Variants in AFF4 observed in about 807,000 individuals in gnomAD.
AFF4 encodes the protein ALF transcription elongation factor 4.
In AFF4, 13 loss-of-function variants were observed where a neutral mutation model predicts 124.8. The observed-to-expected ratio is 0.10, with a 90% CI of 0.07 to 0.17. AFF4 has a LOEUF of 0.17. Among genes scored for constraint, AFF4 ranks in the 10% least tolerant of loss-of-function variants. The pLI is 1.00. For missense variants in AFF4, 1,092 were observed against 1,403.8 expected (o/e 0.78, Z 3.55); for synonymous variants, 477 against 496.1 (o/e 0.96, Z 0.51).
intron 6 of AFF4, 76 bp downstream of exon 6, chr5:132,904,292 T>C (rs1243068492): frequency 3.2e-6 from 4 of 1,268,002 alleles, no homozygotes; most frequent in Non-Finnish European, 4.5e-6. Flanking sequence ...ACTAAAGTTA[T>C]ATATGGTGTG....
At position 132,939,886 on chromosome 5, in the gene AFF4, T is replaced by A. The variant is rs571027448; in HGVS notation, c.-4-2693A>T. Among the ~76,000 whole-genome samples the A allele has an allele frequency of 4.6e-5, 7 of 152,206 alleles. No individual in the cohort carries two copies. The South Asian group carries it at 6.3e-4, about 14-fold the overall frequency. On this transcript the variant is annotated intron_variant, in intron 1 of 20. Coordinates refer to ENST00000265343, the MANE Select transcript of AFF4 (RefSeq NM_014423.4). ...GCCTTGGCCTCTCAAAGTGCTGGGA[T>A]TACAGGCATGAGCCTGAACTTTGGC... is the stretch of plus-strand genomic sequence containing the variant.
intron 5 of AFF4, among the ~76,000 whole-genome samples, chr5:132,920,045 C>CTTTTTCTT: frequency 6.6e-6 from 1 of 151,384 alleles, no homozygotes; most frequent in South Asian, 2.1e-4. Context: ...AAAGATTTTT[C>CTTTTTCTT]TTTTTCTTTT....
intron 1 of AFF4, among the ~76,000 whole-genome samples, chr5:132,961,733 C>T (rs528445522): frequency 2.6e-5 from 4 of 152,214 alleles, no homozygotes; most frequent in African/African-American, 9.6e-5. Flanking sequence ...TTTTCAGACA[C>T]CCCATCTTGT....
chr5:132,930,026 A>C (rs1761263661), intron 4 of AFF4, among the ~76,000 whole-genome samples: 1 of 152,214 alleles, frequency 6.6e-6, no homozygotes, highest in Non-Finnish European at 1.5e-5. Context: ...GAAATTAGAG[A>C]TATTTAGGAT....
chr5:132,951,947 ATC>A (rs1478509710), intron 1 of AFF4, among the ~76,000 whole-genome samples: 1 of 152,228 alleles, frequency 6.6e-6, no homozygotes, highest in East Asian at 1.9e-4. Flanking sequence ...AGTTTTTTGA[ATC>A]CTCAGCATTA....
At chr5:132,901,048 G>T (rs1760538540) in intron 7 of AFF4, 1 of 985,206 alleles carries the variant, frequency 1.0e-6, no homozygotes, top group Non-Finnish European at 1.2e-6. Context: ...TGATTTTTAA[G>T]ACTGGCCCAA....
At chr5:132,941,858 A>G (rs1282039303) in intron 1 of AFF4, among the ~76,000 whole-genome samples, 10 of 151,946 alleles carry the variant, frequency 6.6e-5, no homozygotes, top group Non-Finnish European at 1.5e-4. Flanking sequence ...AAATACAAAA[A>G]TTGACAGGGC....
intron 18 of AFF4, among the ~76,000 whole-genome samples, chr5:132,885,640 A>G (rs1215875294): frequency 6.6e-6 from 1 of 152,184 alleles, no homozygotes; most frequent in Non-Finnish European, 1.5e-5. Context: ...CCAGCAGGCA[A>G]CTACTGAAGG....
intron 5 of AFF4, among the ~76,000 whole-genome samples, chr5:132,907,393 A>G (rs1156431892): frequency 6.6e-6 from 1 of 152,168 alleles, no homozygotes; most frequent in Non-Finnish European, 1.5e-5. Context: ...ACACTTACTC[A>G]TGTATCAAAG....
At chr5:132,934,089 T>C in intron 3 of AFF4, 58 bp downstream of exon 3, 2 of 1,519,488 alleles carry the variant, frequency 1.3e-6, no homozygotes, top group Non-Finnish European at 1.8e-6. Flanking sequence ...CGTAATTTCA[T>C]GATCAGTCAA....
chr5:132,888,262 G>T, intron 14 of AFF4, 102 bp from the exon 15 acceptor site: 1 of 779,122 alleles, frequency 1.3e-6, no homozygotes. Flanking sequence ...CTCAAGCAAA[G>T]AAAATGAGCT....
rs1169622201 is a variant in AFF4, at chr5:132,876,401, G to GTTA, written c.*4657_*4658insTAA. The GTTA allele has an allele frequency of 4.4e-6, 1 of 225,818 alleles. No homozygotes were observed. Among genetic ancestry groups the GTTA allele is most frequent in the African/African-American group, 2.2e-5 (1 of 44,834 alleles). The allele number at this position is 225,818 out of a possible 1,614,324, so 14.0% of individuals were successfully genotyped here. ...AACATAGCAGGTAGAAAATTCCAATGGTTAAAAGCTGAAAAGAAGTCCCAC... is the reference window on the plus strand; with the variant it reads ...AACATAGCAGGTAGAAAATTCCAATGTTAGTTAAAAGCTGAAAAGAAGTCCCAC... On this transcript the variant is annotated 3_prime_UTR_variant, in exon 21 of 21. Coordinates refer to ENST00000265343, the MANE Select transcript of AFF4 (RefSeq NM_014423.4).
intron 5 of AFF4, among the ~76,000 whole-genome samples, chr5:132,917,692 TTTC>T (rs1181723354): frequency 1.0e-5 from 1 of 99,146 alleles, no homozygotes; most frequent in Non-Finnish European, 2.1e-5. Context: ...GGTATTTCTT[TTTC>T]TTTTCTTTTC....
Position 132,902,497 on chromosome 5 carries a change from A to G in AFF4, c.1088-10T>C, listed in dbSNP as rs1297743249. 2 of 1,605,226 alleles carry G rather than the reference A, an allele frequency of 1.2e-6. No homozygotes were observed. Among genetic ancestry groups the G allele is most frequent in the Non-Finnish European group, 1.7e-6 (2 of 1,172,194 alleles). On this transcript the variant is annotated splice_polypyrimidine_tract_variant and intron_variant, in intron 6 of 20. Coordinates refer to ENST00000265343, the MANE Select transcript of AFF4 (RefSeq NM_014423.4). ...GAAGGATTATATCTTTCTGGAACAA[A>G]AAGAATGAAGTGAGCAACTAAAGGA... is the stretch of plus-strand genomic sequence containing the variant.
intron 1 of AFF4, among the ~76,000 whole-genome samples, chr5:132,960,141 T>C (rs1762051428): frequency 1.3e-5 from 2 of 152,162 alleles, no homozygotes; most frequent in Admixed American, 1.3e-4. Context: ...CACTACACCT[T>C]CTTTCACAAT....
chr5:132,924,410 T>C (rs1328032896), intron 5 of AFF4, among the ~76,000 whole-genome samples: 8 of 152,080 alleles, frequency 5.3e-5, no homozygotes, highest in African/African-American at 1.9e-4. Flanking sequence ...AAAACTTATC[T>C]AGAGTGACAT....
intron 5 of AFF4, among the ~76,000 whole-genome samples, chr5:132,912,815 G>A (rs947704599): frequency 2.0e-5 from 3 of 150,678 alleles, no homozygotes; most frequent in Non-Finnish European, 4.4e-5. Flanking sequence ...AGAAAAGGAT[G>A]GTATAAAATC....
chr5:132,938,641 T>C (rs994175852), intron 1 of AFF4, among the ~76,000 whole-genome samples: 2 of 151,874 alleles, frequency 1.3e-5, no homozygotes, highest in Non-Finnish European at 2.9e-5. Context: ...GCATACTAAG[T>C]GTCATGCAAT....
At chr5:132,938,979 A>AT (rs1761501598) in intron 1 of AFF4, among the ~76,000 whole-genome samples, 1 of 124,982 alleles carries the variant, frequency 8.0e-6, no homozygotes, top group African/African-American at 2.9e-5. Flanking sequence ...TTTAATGTTT[A>AT]GAAAAAAAAA....
Sources: gnomAD v4.1 joint callset for allele counts (sites outside exome capture counted in the v4.1 genomes callset) on GRCh38, gnomAD v4.1.1 for gene constraint, MANE v1.5 for transcripts, NCBI Gene and HGNC (gene_info 2026-07-23, HGNC 2026-07-21) for gene names.